Variants in GRM7 observed in about 807,000 individuals in gnomAD.
GRM7 encodes metabotropic glutamate receptor 7.
A neutral mutation model predicts 84.5 loss-of-function variants in GRM7; 35 were observed. The ratio of observed to expected loss-of-function variants is 0.41; its 90% confidence interval spans 0.32 to 0.55. The LOEUF (loss-of-function observed/expected upper bound fraction) is 0.55. GRM7 is among the 20% of genes least tolerant of loss of function. The pLI is 0.19. For missense variants in GRM7, 1,003 were observed against 1,194.6 expected (o/e 0.84, Z 2.36); for synonymous variants, 487 against 455.1 (o/e 1.07, Z -0.89).
At chr3:7,734,015 A>C (rs189929222) in intron 9 of GRM7, among the ~76,000 whole-genome samples, 10 of 152,310 alleles carry the variant, frequency 6.6e-5, no homozygotes, top group Admixed American at 6.5e-4. Context: ...TTTTTGCATT[A>C]TAAGTTCTAT....
rs62237661 is a variant in GRM7 at position 7,133,528 on chromosome 3, C to T, written c.520-12924C>T. Among the ~76,000 whole-genome samples the T allele has an allele frequency of 1.8e-3, 278 of 152,326 alleles. 1 individual carries two copies. Among genetic ancestry groups the T allele is most frequent in the Middle Eastern group, 0.01 (3 of 294 alleles). On this transcript the variant is annotated intron_variant, in intron 1 of 9. Coordinates refer to ENST00000357716, the MANE Select transcript of GRM7 (RefSeq NM_000844.4). ...CATTACCTAGCCCAAATGTCAACAT[C>T]ACCAAGTTTGAGAAATCCTGCTCTA...
chr3:7,477,588 A>G (rs900710327), intron 7 of GRM7, among the ~76,000 whole-genome samples: 2 of 152,216 alleles, frequency 1.3e-5, no homozygotes, highest in African/African-American at 4.8e-5. Flanking sequence ...ACCAAGTACC[A>G]GACTTTGGGG....
At chr3:7,158,385 T>C (rs1694520346) in intron 2 of GRM7, among the ~76,000 whole-genome samples, 1 of 152,138 alleles carries the variant, frequency 6.6e-6, no homozygotes, top group African/African-American at 2.4e-5. Context: ...TGCATCTCTA[T>C]AGGCTTTTAC....
chr3:6,951,029 T>G lies in GRM7; in HGVS notation c.519+89122T>G, dbSNP rs572505338. Among the ~76,000 whole-genome samples, 3 of 152,322 alleles carry G rather than the reference T, an allele frequency of 2.0e-5. No individual in the cohort carries two copies. The East Asian group carries it at 5.8e-4, about 30-fold the overall frequency. On this transcript the variant is annotated intron_variant, in intron 1 of 9. Coordinates refer to ENST00000357716, the MANE Select transcript of GRM7 (RefSeq NM_000844.4). Reference sequence around the variant, plus strand: ...CGGGTGAGGTGATGCCTCTCCCTGCTTCGGCTCACGCACAGTGCGCTGCAC... The same window carrying G: ...CGGGTGAGGTGATGCCTCTCCCTGCGTCGGCTCACGCACAGTGCGCTGCAC...
intron 1 of GRM7, among the ~76,000 whole-genome samples, chr3:6,897,651 A>G (rs962000221): frequency 3.3e-5 from 5 of 152,216 alleles, no homozygotes; most frequent in African/African-American, 9.6e-5. Flanking sequence ...TTCAGAATGT[A>G]TTAACTCATC....
intron 1 of GRM7, among the ~76,000 whole-genome samples, chr3:7,022,484 G>A (rs537503651): frequency 6.6e-6 from 1 of 151,478 alleles, no homozygotes; most frequent in Non-Finnish European, 1.5e-5. Flanking sequence ...CTATCTCATA[G>A]GGTGCAGAGG....
intron 9 of GRM7, 26 bp from the exon 10 acceptor site, chr3:7,740,331 C>A: frequency 6.6e-7 from 1 of 1,507,064 alleles, no homozygotes; most frequent in East Asian, 2.3e-5. Flanking sequence ...ATTACTGCAA[C>A]TGACACTTTC....
Position 7,486,990 on chromosome 3 carries a change from G to A in GRM7, c.1515+25268G>A, listed in dbSNP as rs970804510. Among the ~76,000 whole-genome samples the A allele has an allele frequency of 2.0e-5, 3 of 152,144 alleles. No individual in the cohort carries two copies. The highest frequency in any genetic ancestry group is 2.0e-4 in the Admixed American group (3 of 15,272). On this transcript the variant is annotated intron_variant, in intron 7 of 9. Coordinates refer to ENST00000357716, the MANE Select transcript of GRM7 (RefSeq NM_000844.4). This position sits in a 1 kb window ranked among gnomAD's most constrained non-coding sequence, Gnocchi z 5.5. The stretch of plus-strand genomic sequence containing the variant: ...AGTTGTGGTGACTGAAATGTAGATA[G>A]GAATATAGACAGTGAAGGTCATTCT...
At chr3:6,992,216 T>C (rs1293468649) in intron 1 of GRM7, among the ~76,000 whole-genome samples, 1 of 152,202 alleles carries the variant, frequency 6.6e-6, no homozygotes, top group Admixed American at 6.5e-5. Flanking sequence ...CTCTTTGACA[T>C]GATTTACTAC....
intron 1 of GRM7, among the ~76,000 whole-genome samples, chr3:6,916,035 C>T (rs1696928623): frequency 6.6e-6 from 1 of 152,174 alleles, no homozygotes; most frequent in Non-Finnish European, 1.5e-5. Context: ...AAACTTTCAA[C>T]AAGGCACTAT....
At chr3:7,726,259 G>A (rs865868953) in intron 9 of GRM7, among the ~76,000 whole-genome samples, 2 of 152,072 alleles carry the variant, frequency 1.3e-5, no homozygotes, top group African/African-American at 2.4e-5. Context: ...GGCAGAACAA[G>A]AAATTCCCTT....
At chr3:7,189,837 C>A (rs541183397) in intron 2 of GRM7, among the ~76,000 whole-genome samples, 1 of 152,140 alleles carries the variant, frequency 6.6e-6, no homozygotes, top group Non-Finnish European at 1.5e-5. Flanking sequence ...TGTCACATTG[C>A]AACATGAGGA....
chr3:7,394,898 C>G (rs1174849342), intron 4 of GRM7, among the ~76,000 whole-genome samples: 2 of 151,942 alleles, frequency 1.3e-5, no homozygotes, highest in East Asian at 3.9e-4. Context: ...ATTAGCCAGG[C>G]GTGGTGGCGG....
chr3:7,016,370 T>C (rs962220105), intron 1 of GRM7, among the ~76,000 whole-genome samples: 2 of 152,160 alleles, frequency 1.3e-5, no homozygotes, highest in Non-Finnish European at 2.9e-5. Context: ...TTGAAATCCG[T>C]CTTTCCCAGC....
At chr3:7,404,726 A>G (rs935118050) in intron 4 of GRM7, among the ~76,000 whole-genome samples, 1 of 152,118 alleles carries the variant, frequency 6.6e-6, no homozygotes, top group African/African-American at 2.4e-5. Context: ...CATCTCTTCC[A>G]ACAGGAAGCA....
At chr3:7,329,465 G>T (rs1309799490) in intron 4 of GRM7, among the ~76,000 whole-genome samples, 1 of 152,154 alleles carries the variant, frequency 6.6e-6, no homozygotes, top group Non-Finnish European at 1.5e-5. Context: ...GAATGGGTAT[G>T]TGGAGCTGCC....
chr3:7,561,663 A>T, intron 7 of GRM7: 1 of 423,774 alleles, frequency 2.4e-6, no homozygotes, highest in South Asian at 1.7e-5. Context: ...TCAGATAAGC[A>T]CTCTATTTGT....
chr3:6,881,594 A>C (rs1654070), intron 1 of GRM7, among the ~76,000 whole-genome samples: 91,949 of 151,342 alleles, frequency 0.61, 28,290 homozygotes, highest in South Asian at 0.65. Flanking sequence ...AACAAATTTT[A>C]AAGAAAAAAA....
intron 4 of GRM7, among the ~76,000 whole-genome samples, chr3:7,393,609 T>C (rs1033628213): frequency 5.9e-5 from 9 of 152,356 alleles, no homozygotes; most frequent in African/African-American, 1.4e-4. Context: ...TATCTACTTA[T>C]ATTCTGGCTG....
Sources: gnomAD v4.1 joint callset for allele counts (sites outside exome capture counted in the v4.1 genomes callset) on GRCh38, gnomAD v4.1.1 for gene constraint, Gnocchi (gnomAD v3.1) non-coding constraint, MANE v1.5 for transcripts, NCBI Gene and HGNC (gene_info 2026-07-23, HGNC 2026-07-21) for gene names.